The following ARHGAP26 variants were observed in gnomAD, a reference collection of about 807,000 sequenced individuals.
ARHGAP26 encodes the protein Rho GTPase activating protein 26.
A neutral mutation model predicts 104.8 loss-of-function variants in ARHGAP26; 38 were observed. The observed-to-expected ratio is 0.36, with a 90% confidence interval of 0.28 to 0.48. ARHGAP26 has a LOEUF of 0.48. Among genes scored for constraint, ARHGAP26 ranks in the 20% least tolerant of loss-of-function variants. ARHGAP26 has a pLI of 0.99. For missense variants in ARHGAP26, 704 were observed against 947.9 expected (o/e 0.74, Z 3.38); for synonymous variants, 341 against 340.0 (o/e 1.00, Z -0.03).
intron 4 of ARHGAP26, among the ~76,000 whole-genome samples, chr5:142,880,185 T>C (rs1279702135): frequency 5.3e-5 from 8 of 152,162 alleles, no homozygotes. Context: ...CCTGTTCCTT[T>C]TTAAAAGGTG....
intron 1 of ARHGAP26, among the ~76,000 whole-genome samples, chr5:142,807,642 T>A (rs1763237038): frequency 6.6e-6 from 1 of 152,202 alleles, no homozygotes; most frequent in Non-Finnish European, 1.5e-5. Flanking sequence ...CTCTTCACCC[T>A]TTTTGTTGAT....
At chr5:143,029,974 G>A (rs1328468861) in intron 12 of ARHGAP26, among the ~76,000 whole-genome samples, 1 of 152,138 alleles carries the variant, frequency 6.6e-6, no homozygotes, top group Non-Finnish European at 1.5e-5. Context: ...TAGAATTCCA[G>A]GGATGCAGGC....
At chr5:143,103,942 A>AAT (rs775861463) in intron 17 of ARHGAP26, among the ~76,000 whole-genome samples, 15 of 151,826 alleles carry the variant, frequency 9.9e-5, no homozygotes, top group South Asian at 2.1e-4. Context: ...GTATAATAAA[A>AAT]ATATATATAT....
chr5:143,071,912 A>G (rs1788325785), intron 17 of ARHGAP26, among the ~76,000 whole-genome samples: 1 of 152,138 alleles, frequency 6.6e-6, no homozygotes, highest in African/African-American at 2.4e-5. Context: ...CTCAAAAAAC[A>G]AACAAACAAA....
chr5:143,063,954 C>CTT (rs1027180942), intron 17 of ARHGAP26, among the ~76,000 whole-genome samples: 1 of 152,204 alleles, frequency 6.6e-6, no homozygotes, highest in African/African-American at 2.4e-5. Flanking sequence ...GATGGGCAGT[C>CTT]TGTCTCCCTT....
At chr5:143,078,615 T>G (rs1789380706) in intron 17 of ARHGAP26, among the ~76,000 whole-genome samples, 1 of 152,236 alleles carries the variant, frequency 6.6e-6, no homozygotes, top group African/African-American at 2.4e-5. Context: ...GGAATGTGTC[T>G]TGCTGGTAAG....
At chr5:142,876,922 C>G (rs573909296) in intron 3 of ARHGAP26, among the ~76,000 whole-genome samples, 60 of 151,636 alleles carry the variant, frequency 4.0e-4, no homozygotes, top group African/African-American at 1.3e-3. Context: ...GTGGTGGTGG[C>G]AGCAGTGGGG....
chr5:143,064,399 CTTT>C (rs764782489), intron 17 of ARHGAP26, among the ~76,000 whole-genome samples: 1 of 138,424 alleles, frequency 7.2e-6, no homozygotes. Flanking sequence ...TTGACTGGCT[CTTT>C]TTTTTTTTTT....
At chr5:142,951,154 G>C (rs1184429212) in intron 11 of ARHGAP26, among the ~76,000 whole-genome samples, 1 of 152,028 alleles carries the variant, frequency 6.6e-6, no homozygotes, top group African/African-American at 2.4e-5. Flanking sequence ...CCACCTCCCA[G>C]GTTCAAGCGA....
intron 11 of ARHGAP26, among the ~76,000 whole-genome samples, chr5:142,939,166 G>C (rs1348157501): frequency 6.6e-6 from 1 of 152,152 alleles, no homozygotes; most frequent in Non-Finnish European, 1.5e-5. Context: ...AAAAAGGCTG[G>C]TAATTGGTTG....
chr5:142,813,771 A>G (rs865883441), intron 1 of ARHGAP26, among the ~76,000 whole-genome samples: 3 of 152,140 alleles, frequency 2.0e-5, no homozygotes, highest in East Asian at 1.9e-4. Context: ...TAAAGACTCT[A>G]TTTCCAAATA....
At chr5:143,018,339 C>T (rs1779868945) in intron 12 of ARHGAP26, among the ~76,000 whole-genome samples, 1 of 152,116 alleles carries the variant, frequency 6.6e-6, no homozygotes, top group African/African-American at 2.4e-5. Flanking sequence ...CCTTCAAAGC[C>T]CTTTTATATA....
intron 18 of ARHGAP26, among the ~76,000 whole-genome samples, chr5:143,125,525 GA>G (rs1166377475): frequency 6.6e-6 from 1 of 152,110 alleles, no homozygotes; most frequent in East Asian, 1.9e-4. Context: ...CTCTCTCACG[GA>G]CCTGGGAGGG....
intron 13 of ARHGAP26, among the ~76,000 whole-genome samples, chr5:143,038,684 C>CTTTTTTTT (rs60428049): frequency 1.6e-4 from 10 of 64,434 alleles, no homozygotes; most frequent in Admixed American, 5.3e-4. Flanking sequence ...GACATACGGC[C>CTTTTTTTT]TTTTTTTTTT....
chr5:142,944,986 G>A lies in ARHGAP26; in HGVS notation c.1107+12861G>A, dbSNP rs17287545. 6.3e-3 allele frequency among the ~76,000 whole-genome samples: 966 copies of A among 152,268 alleles called. 10 individuals are homozygous for A. Among genetic ancestry groups the A allele is most frequent in the Middle Eastern group, 0.017 (5 of 294 alleles). On this transcript the variant is annotated intron_variant, in intron 11 of 22. Coordinates refer to ENST00000645722, the MANE Select transcript of ARHGAP26 (RefSeq NM_001135608.3). Reference sequence around the variant, plus strand: ...GCAGTGAGCAACAGAGGGTGTGGCAGCCAAATGTGCACTCCTTACCTCTCA... The same window carrying A: ...GCAGTGAGCAACAGAGGGTGTGGCAACCAAATGTGCACTCCTTACCTCTCA...
chr5:142,954,138 T>C (rs1327527192), intron 11 of ARHGAP26, among the ~76,000 whole-genome samples: 1 of 152,224 alleles, frequency 6.6e-6, no homozygotes, highest in Non-Finnish European at 1.5e-5. Flanking sequence ...ACCCAGACTT[T>C]GGGGGCTGTT....
At chr5:142,790,961 G>A (rs548591091) in intron 1 of ARHGAP26, among the ~76,000 whole-genome samples, 26 of 152,158 alleles carry the variant, frequency 1.7e-4, no homozygotes, top group Admixed American at 1.6e-3. Context: ...AAATGATGTC[G>A]AATGTTCCTT....
intron 1 of ARHGAP26, among the ~76,000 whole-genome samples, chr5:142,791,082 G>GTTTTTT (rs3059587): frequency 1.4e-5 from 2 of 142,852 alleles, no homozygotes; most frequent in Non-Finnish European, 1.5e-5. Context: ...TTGCTTTAAA[G>GTTTTTT]TTTTTTTTTT....
chr5:143,108,768 C>T (rs1794396856), intron 17 of ARHGAP26, among the ~76,000 whole-genome samples: 1 of 152,242 alleles, frequency 6.6e-6, no homozygotes, highest in Non-Finnish European at 1.5e-5. Flanking sequence ...GTCCATCTCT[C>T]TGTAACATTT....
Sources: allele counts gnomAD v4.1 joint callset (sites outside exome capture counted in the v4.1 genomes callset), GRCh38; gene constraint gnomAD v4.1.1; transcripts MANE v1.5; gene names NCBI Gene and HGNC (gene_info 2026-07-23, HGNC 2026-07-21).